KIF13A: variants seen among roughly 807,000 people sequenced by gnomAD.
KIF13A encodes kinesin family member 13A.
Under a neutral mutation model 212.2 loss-of-function variants are expected in KIF13A, and 79 were observed. The observed-to-expected ratio is 0.37, with a 90% CI of 0.31 to 0.45. KIF13A has a LOEUF of 0.45. KIF13A is among the 20% of genes least tolerant of loss of function. The probability of loss-of-function intolerance (pLI) is 1.00; values close to 1 mark genes in which losing one functional copy is unlikely to be tolerated. For synonymous variants in KIF13A, 789 were observed against 808.6 expected (o/e 0.98, Z 0.41); for missense variants, 1,901 against 2,209.0 (o/e 0.86, Z 2.79).
chr6:17,779,658 T>C lies in KIF13A; in HGVS notation c.3873A>G (p.Arg1291=). 1 of 1,509,978 alleles carries C rather than the reference T, an allele frequency of 6.6e-7. No individual in the cohort carries two copies. Among genetic ancestry groups the C allele is most frequent in the Non-Finnish European group, 9.2e-7 (1 of 1,092,536 alleles). 93.5% of individuals were successfully genotyped at this position (1,509,978 alleles called of 1,614,324 possible). Residue 1291 remains arginine, a synonymous_variant, in exon 32 of 39, where the codon AGA becomes AGG. Transcript: ENST00000259711. ...AATAAAATATATTTTTCAGGGATAT[T>C]CTCCTCTTCAAACTCTGCGTGAAAC... The part of the protein sequence containing the change: ...KQSFTQSLKR[R]ISLKNIFYSC...
Position 17,912,028 on chromosome 6 carries a change from T to A in KIF13A, c.147-13848A>T, listed in dbSNP as rs1379064832. Among the ~76,000 whole-genome samples the A allele has an allele frequency of 6.6e-6, 1 of 152,122 alleles. No homozygotes were observed. Among genetic ancestry groups the A allele is most frequent in the Non-Finnish European group, 1.5e-5 (1 of 68,018 alleles). ...ATTACCCCGTCTTGGGCTCCCAAAG[T>A]GCTGGGATTACAGGCATGAGGCACC... On this transcript the variant is annotated intron_variant, in intron 2 of 38. Transcript: ENST00000259711. This position sits in a 1 kb window ranked among gnomAD's most constrained non-coding sequence, Gnocchi z 4.2.
intron 4 of KIF13A, among the ~76,000 whole-genome samples, chr6:17,869,528 T>A (rs116381913): frequency 0.02 from 3,093 of 152,244 alleles, 45 homozygotes; most frequent in Non-Finnish European, 0.033. Context: ...ATTCAGTAAC[T>A]CACCCGGCCT....
chr6:17,850,256 C>T lies in KIF13A; in HGVS notation c.717+67G>A. On this transcript the variant is annotated intron_variant, in intron 8 of 38. Coordinates refer to ENST00000259711, the MANE Select transcript of KIF13A (RefSeq NM_022113.6). This position sits in a 1 kb window ranked among gnomAD's most constrained non-coding sequence, Gnocchi z 6.2. ...AGCCACTGAACCCAACCATGAAAGA[C>T]TTTACCTATATGGACACTTTCAGTT... is the stretch of plus-strand genomic sequence containing the variant. The T allele has an allele frequency of 6.8e-7, 1 of 1,479,484 alleles. No homozygotes were observed. The highest frequency in any genetic ancestry group is 9.1e-7 in the Non-Finnish European group (1 of 1,101,758). The allele number at this position is 1,479,484 out of a possible 1,614,324, so 91.6% of individuals were successfully genotyped here. A position where few individuals can be genotyped will look rare whatever the true frequency, so the allele number is the denominator to read the frequency against.
Position 17,789,849 on chromosome 6 carries a change from A to G in KIF13A, c.3261+23T>C. 1 of 1,605,724 alleles carries G rather than the reference A, an allele frequency of 6.2e-7. No homozygotes were observed. Among genetic ancestry groups the G allele is most frequent in the Non-Finnish European group, 8.5e-7 (1 of 1,173,162 alleles). On this transcript the variant is annotated intron_variant, in intron 26 of 38. Coordinates refer to ENST00000259711, the MANE Select transcript of KIF13A (RefSeq NM_022113.6). The surrounding 1 kb of genome is among the most constrained non-coding windows in gnomAD (Gnocchi z 4.8). ...TAGCAGTAGCTGTGCCCCATGCCACAGGATTGACAGCAGTAGCAATACCTG... is the reference window on the plus strand; with the variant it reads ...TAGCAGTAGCTGTGCCCCATGCCACGGGATTGACAGCAGTAGCAATACCTG...
intron 38 of KIF13A, among the ~76,000 whole-genome samples, chr6:17,767,851 A>G (rs1337141081): frequency 1.3e-5 from 2 of 152,336 alleles, no homozygotes; most frequent in East Asian, 3.9e-4. Context: ...CTGAGTAGAA[A>G]TAGTTGTAAA....
intron 9 of KIF13A, among the ~76,000 whole-genome samples, chr6:17,847,343 A>G (rs1767174135): frequency 6.6e-6 from 1 of 152,174 alleles, no homozygotes; most frequent in South Asian, 2.1e-4. Context: ...GGAATCTTGC[A>G]ATGCCTTGTC....
intron 2 of KIF13A, among the ~76,000 whole-genome samples, chr6:17,927,981 G>A (rs1379536461): frequency 6.6e-6 from 1 of 152,210 alleles, no homozygotes. Flanking sequence ...GTGAAAGACA[G>A]GCTTCAGCAA....
At chr6:17,851,242 A>G (rs1419716073) in intron 7 of KIF13A, among the ~76,000 whole-genome samples, 1 of 152,142 alleles carries the variant, frequency 6.6e-6, no homozygotes, top group African/African-American at 2.4e-5. Flanking sequence ...TTCTATATAT[A>G]CCTTGATTTA....
Position 17,961,206 on chromosome 6 carries a change from G to C in KIF13A, c.146+25848C>G, listed in dbSNP as rs1443161964. On this transcript the variant is annotated intron_variant, in intron 2 of 38. Coordinates refer to ENST00000259711, the MANE Select transcript of KIF13A (RefSeq NM_022113.6). The surrounding 1 kb of genome is among the most constrained non-coding windows in gnomAD (Gnocchi z 4.1). The stretch of plus-strand genomic sequence containing the variant: ...AGCACTTCAAACTGGAGAAAATACG[G>C]AAGTGGAAACTGGGATGTGCAGCTT... Among the ~76,000 whole-genome samples, 1 of 137,114 alleles carries C rather than the reference G, an allele frequency of 7.3e-6. No individual in the cohort carries two copies. The highest frequency in any genetic ancestry group is 1.7e-5 in the Non-Finnish European group (1 of 57,746). The allele number at this position is 137,114 out of a possible 152,430, so 90.0% of individuals were successfully genotyped here. A position where few individuals can be genotyped will look rare whatever the true frequency, so the allele number is the denominator to read the frequency against.
At chr6:17,932,690 T>C (rs1776103138) in intron 2 of KIF13A, among the ~76,000 whole-genome samples, 1 of 151,982 alleles carries the variant, frequency 6.6e-6, no homozygotes, top group Non-Finnish European at 1.5e-5. Context: ...AGCACTACTG[T>C]ACAGATTCCA....
chr6:17,938,000 G>A (rs1344898061), intron 2 of KIF13A, among the ~76,000 whole-genome samples: 1 of 152,010 alleles, frequency 6.6e-6, no homozygotes, highest in African/African-American at 2.4e-5. Flanking sequence ...CACCTGCCTC[G>A]GCCTCTCAAA....
At position 17,789,953 on chromosome 6, in the gene KIF13A, T is replaced by A. The variant is rs1297538945; in HGVS notation, c.3223-43A>T. The A allele has an allele frequency of 2.0e-6, 3 of 1,501,790 alleles. No homozygotes were observed. The highest frequency in any genetic ancestry group is 2.8e-6 in the Non-Finnish European group (3 of 1,079,488). 93.0% of individuals were successfully genotyped at this position (1,501,790 alleles called of 1,614,324 possible). A position where few individuals can be genotyped will look rare whatever the true frequency, so the allele number is the denominator to read the frequency against. On this transcript the variant is annotated intron_variant, in intron 25 of 38. Transcript: ENST00000259711. This position sits in a 1 kb window ranked among gnomAD's most constrained non-coding sequence, Gnocchi z 4.8. ...ACACAAAGGACAAGCATTTTGTTTTTCAAACCACATACAGGGAAAATAATT... is the reference window on the plus strand; with the variant it reads ...ACACAAAGGACAAGCATTTTGTTTTACAAACCACATACAGGGAAAATAATT...
chr6:17,921,566 T>C (rs1203950609), intron 2 of KIF13A, among the ~76,000 whole-genome samples: 2 of 152,254 alleles, frequency 1.3e-5, no homozygotes, highest in African/African-American at 4.8e-5. Flanking sequence ...ACTTTGATCA[T>C]TTCCATTGGG....
Position 17,979,778 on chromosome 6 carries a change from AAG to A in KIF13A, c.146+7274_146+7275del, listed in dbSNP as rs992780954. ...GAATAAGATGGTTTGAAAAAAAAAA[AAG>A]AGAGACTAAAAAAAGAGTTCTTGAA... On this transcript the variant is annotated intron_variant, in intron 2 of 38. Coordinates refer to ENST00000259711, the MANE Select transcript of KIF13A (RefSeq NM_022113.6). 7.9e-5 allele frequency among the ~76,000 whole-genome samples: 12 copies of A among 152,010 alleles called. No individual in the cohort carries two copies. The South Asian group carries it at 8.3e-4, about 11-fold the overall frequency.
At chr6:17,796,391 C>T (rs915057823) in intron 23 of KIF13A, among the ~76,000 whole-genome samples, 9 of 150,868 alleles carry the variant, frequency 6.0e-5, no homozygotes, top group South Asian at 2.1e-4. Context: ...ATTACAGGTG[C>T]GTGCCACCAC....
intron 2 of KIF13A, among the ~76,000 whole-genome samples, chr6:17,909,492 G>A (rs1475025896): frequency 2.8e-5 from 4 of 144,302 alleles, no homozygotes; most frequent in Non-Finnish European, 6.0e-5. Flanking sequence ...CCAAGATCAC[G>A]CCACTGCACT....
chr6:17,943,257 A>G (rs1262879000), intron 2 of KIF13A, among the ~76,000 whole-genome samples: 1 of 152,136 alleles, frequency 6.6e-6, no homozygotes, highest in Non-Finnish European at 1.5e-5. Flanking sequence ...CTGGTCACTG[A>G]AAAACAATCT....
Position 17,849,273 on chromosome 6 carries a change from C to A in KIF13A, c.830+104G>T. 1.3e-6 allele frequency: 1 copy of A among 744,414 alleles called. No individual in the cohort carries two copies. The highest frequency in any genetic ancestry group is 2.7e-5 in the Admixed American group (1 of 36,594). 46.1% of individuals were successfully genotyped at this position (744,414 alleles called of 1,614,324 possible). On this transcript the variant is annotated intron_variant, in intron 9 of 38. Coordinates refer to ENST00000259711, the MANE Select transcript of KIF13A (RefSeq NM_022113.6). The surrounding 1 kb of genome is among the most constrained non-coding windows in gnomAD (Gnocchi z 5.7). Reference sequence around the variant, plus strand: ...TTCAGCCCAGTTTACTAAAGCTATACAGACTTTAAACAACCTGTACATCAG... The same window carrying A: ...TTCAGCCCAGTTTACTAAAGCTATAAAGACTTTAAACAACCTGTACATCAG...
chr6:17,870,671 C>T (rs1357223735), intron 4 of KIF13A, among the ~76,000 whole-genome samples: 1 of 152,136 alleles, frequency 6.6e-6, no homozygotes, highest in African/African-American at 2.4e-5. Context: ...TATTATCTGG[C>T]CTCATTCAAC....
Sources: allele counts gnomAD v4.1 joint callset (sites outside exome capture counted in the v4.1 genomes callset), GRCh38; gene constraint gnomAD v4.1.1; non-coding constraint Gnocchi (gnomAD v3.1); transcripts MANE v1.5; gene names NCBI Gene and HGNC (gene_info 2026-07-23, HGNC 2026-07-21).